The following HTR1F variants were observed in gnomAD, a reference collection of about 807,000 sequenced individuals.
HTR1F encodes 5-hydroxytryptamine receptor 1F, also known as 5-hydroxytryptamine (serotonin) receptor 1F, G protein-coupled.
A neutral mutation model predicts 24.0 loss-of-function variants in HTR1F; 17 were observed. The observed-to-expected ratio is 0.71, with a 90% CI of 0.48 to 1.06. The LOEUF (loss-of-function observed/expected upper bound fraction) is 1.06. HTR1F is among the 50% of genes least tolerant of loss of function. The pLI is 0.00. For missense variants in HTR1F, 391 were observed against 427.8 expected (o/e 0.91, Z 0.76); for synonymous variants, 186 against 156.8 (o/e 1.19, Z -1.39).
chr3:87,970,899 A>G (rs747282778), intron 2 of HTR1F, among the ~76,000 whole-genome samples: 11 of 152,244 alleles, frequency 7.2e-5, no homozygotes, highest in Non-Finnish European at 1.2e-4. Context: ...TCACAGTAGT[A>G]TAGATTGATG....
At chr3:87,871,008 G>A (rs1039939426) in intron 2 of HTR1F, among the ~76,000 whole-genome samples, 5 of 140,070 alleles carry the variant, frequency 3.6e-5, no homozygotes, top group African/African-American at 8.4e-5. Context: ...AAAAAATCAC[G>A]TGAAGAAACA....
At chr3:87,912,616 G>A (rs1576020537) in intron 2 of HTR1F, among the ~76,000 whole-genome samples, 2 of 84,908 alleles carry the variant, frequency 2.4e-5, no homozygotes, top group African/African-American at 4.5e-5. Flanking sequence ...AGTCTGAATA[G>A]CCCAGGCAAT....
rs114996886 is a variant in HTR1F, at chr3:87,808,645, C to T, written c.-159-13363C>T. On this transcript the variant is annotated intron_variant, in intron 1 of 2. Transcript: ENST00000319595. ...TCTGATCTTTATTATTTCTTTCTTT[C>T]TACTTATTTGGGGTTTGGTTTGTTC... Among the ~76,000 whole-genome samples the T allele has an allele frequency of 4.2e-3, 633 of 151,564 alleles. 3 individuals carry two copies. Among genetic ancestry groups the T allele is most frequent in the Middle Eastern group, 0.02 (6 of 294 alleles).
At chr3:87,826,445 A>C (rs1269659453) in intron 2 of HTR1F, among the ~76,000 whole-genome samples, 1 of 152,020 alleles carries the variant, frequency 6.6e-6, no homozygotes, top group Non-Finnish European at 1.5e-5. Context: ...CGTTCTTTTT[A>C]CCTGCTTGAT....
rs200761453 is a variant in HTR1F at position 87,981,938 on chromosome 3, TTTC to T, written c.-42-8767_-42-8765del. On this transcript the variant is annotated intron_variant, in intron 2 of 2. Coordinates refer to ENST00000319595, the MANE Select transcript of HTR1F (RefSeq NM_001322209.2). ...CATTTAAAATAAGAATGCCTTCTTC[TTTC>T]TTTTTTTTTTATGTCTCACTCTGGC... Among the ~76,000 whole-genome samples, 543 of 96,348 alleles carry T rather than the reference TTTC, an allele frequency of 5.6e-3. 2 individuals carry two copies. Among genetic ancestry groups the T allele is most frequent in the African/African-American group, 0.017 (506 of 29,364 alleles). 63.2% of individuals were successfully genotyped at this position (96,348 alleles called of 152,430 possible).
At chr3:87,916,149 A>G (rs562124052) in intron 2 of HTR1F, among the ~76,000 whole-genome samples, 3 of 152,136 alleles carry the variant, frequency 2.0e-5, no homozygotes, top group Admixed American at 6.6e-5. Context: ...TTTCAGACAA[A>G]TGACAAGAGA....
chr3:87,982,735 T>C (rs1378771451), intron 2 of HTR1F, among the ~76,000 whole-genome samples: 1 of 152,196 alleles, frequency 6.6e-6, no homozygotes, highest in Non-Finnish European at 1.5e-5. Flanking sequence ...ATAACATTTG[T>C]CTGGGTGAAT....
chr3:87,880,648 G>A (rs1261035454), intron 2 of HTR1F, among the ~76,000 whole-genome samples: 1 of 98,782 alleles, frequency 1.0e-5, no homozygotes, highest in Non-Finnish European at 2.0e-5. Context: ...GTGTTTGTTT[G>A]TGTGTGTGTG....
intron 2 of HTR1F, among the ~76,000 whole-genome samples, chr3:87,902,196 T>C (rs896007095): frequency 1.3e-5 from 2 of 152,144 alleles, no homozygotes; most frequent in Admixed American, 1.3e-4. Context: ...GTAGTTAAGA[T>C]TAGTGGTGGT....
At chr3:87,904,749 C>T (rs1024631369) in intron 2 of HTR1F, among the ~76,000 whole-genome samples, 3 of 152,062 alleles carry the variant, frequency 2.0e-5, no homozygotes, top group Admixed American at 6.6e-5. Context: ...AGAATGCATA[C>T]ACATTATACC....
intron 2 of HTR1F, among the ~76,000 whole-genome samples, chr3:87,977,393 CTTTT>C (rs34070984): frequency 2.7e-5 from 2 of 73,048 alleles, no homozygotes; most frequent in Non-Finnish European, 5.1e-5. Flanking sequence ...GAAGCTGAGA[CTTTT>C]TTTTTTTTTT....
rs917853441 is a variant in HTR1F at position 87,991,461 on chromosome 3, A to T, written c.712A>T (p.Thr238Ser). The change falls in exon 3 of 3, where the codon ACT becomes TCT. Residue 238 changes from threonine to serine, a missense_variant. Coordinates refer to ENST00000319595, the MANE Select transcript of HTR1F (RefSeq NM_001322209.2). The stretch of plus-strand genomic sequence containing the variant: ...CCTTTTGGAGAGTGGTGAGAAAAGC[A>T]CTAAATCAGTTTCCACATCCTATGT... ...QVLLESGEKS[T>S]KSVSTSYVLE... 1.2e-6 allele frequency: 2 copies of T among 1,614,112 alleles called. No individual in the cohort carries two copies. Among genetic ancestry groups the T allele is most frequent in the Non-Finnish European group, 1.7e-6 (2 of 1,180,006 alleles).
At chr3:87,868,599 GA>G (rs1486188713) in intron 2 of HTR1F, among the ~76,000 whole-genome samples, 1 of 151,096 alleles carries the variant, frequency 6.6e-6, no homozygotes, top group Non-Finnish European at 1.5e-5. Flanking sequence ...AAAACTTCAG[GA>G]AAAAATTAAA....
intron 2 of HTR1F, among the ~76,000 whole-genome samples, chr3:87,858,776 T>C (rs1248754354): frequency 6.6e-6 from 1 of 152,166 alleles, no homozygotes; most frequent in Non-Finnish European, 1.5e-5. Context: ...TGCTTTACCA[T>C]GAAAGTGAGC....
chr3:87,909,128 C>A (rs1162750659), intron 2 of HTR1F, among the ~76,000 whole-genome samples: 1 of 151,938 alleles, frequency 6.6e-6, no homozygotes, highest in Non-Finnish European at 1.5e-5. Context: ...ATGAGAGTCA[C>A]CAGTGGTAAA....
chr3:87,884,034 C>G (rs1435447214), intron 2 of HTR1F, among the ~76,000 whole-genome samples: 1 of 152,102 alleles, frequency 6.6e-6, no homozygotes, highest in Non-Finnish European at 1.5e-5. Flanking sequence ...CCCCAAGACA[C>G]ATAATTTTCA....
chr3:87,966,469 C>T (rs1705165023), intron 2 of HTR1F, among the ~76,000 whole-genome samples: 1 of 152,168 alleles, frequency 6.6e-6, no homozygotes. Context: ...TGTCTTATGT[C>T]TGTTGCATGT....
chr3:87,860,755 T>C (rs1705300487), intron 2 of HTR1F, among the ~76,000 whole-genome samples: 1 of 152,190 alleles, frequency 6.6e-6, no homozygotes, highest in African/African-American at 2.4e-5. Context: ...GACTAGAATA[T>C]TTAAATTTTG....
intron 2 of HTR1F, among the ~76,000 whole-genome samples, chr3:87,879,482 G>T (rs1031217558): frequency 6.6e-6 from 1 of 152,068 alleles, no homozygotes; most frequent in Non-Finnish European, 1.5e-5. Flanking sequence ...ACCTGGCAGT[G>T]CATTAGCCAA....
Sources: gnomAD v4.1 joint callset for allele counts (sites outside exome capture counted in the v4.1 genomes callset) on GRCh38, gnomAD v4.1.1 for gene constraint, MANE v1.5 for transcripts, NCBI Gene and HGNC (gene_info 2026-07-23, HGNC 2026-07-21) for gene names.